RAB38: variants seen among roughly 807,000 people sequenced by gnomAD.
RAB38 encodes ras-related protein Rab-38.
In RAB38, 15 loss-of-function variants were observed where a neutral mutation model predicts 18.4. The observed-to-expected ratio is 0.82, with a 90% CI of 0.55 to 1.26. The LOEUF (loss-of-function observed/expected upper bound fraction) is 1.26, where lower values mean the gene tolerates loss of function less well. RAB38 is among the 50% of genes most tolerant of loss of function. The pLI, the probability that RAB38 is intolerant of heterozygous loss-of-function variation, is 0.00. For missense variants in RAB38, 294 were observed against 267.4 expected, an observed-to-expected ratio of 1.10 and a Z score of -0.69; for synonymous variants, 101 against 104.4, an observed-to-expected ratio of 0.97 and a Z score of 0.20.
At chr11:87,835,584 T>A in the RAB38 span, among the ~76,000 whole-genome samples, 1 of 152,148 alleles carries the variant, frequency 6.6e-6, no homozygotes, top group African/African-American at 2.4e-5. Context: ...GTTAAAGTTG[T>A]TAGGGTTGGT....
the RAB38 span, among the ~76,000 whole-genome samples, chr11:87,952,227 C>T: frequency 0.063 from 9,649 of 152,220 alleles, 1,033 homozygotes; most frequent in African/African-American, 0.22. Context: ...TACCTTTCCA[C>T]AGGCCTCTTT....
chr11:87,848,231 G>C, the RAB38 span, among the ~76,000 whole-genome samples: 1 of 152,144 alleles, frequency 6.6e-6, no homozygotes, highest in Non-Finnish European at 1.5e-5. Flanking sequence ...ACAGGTAGAG[G>C]ATGTTCCAAA....
chr11:88,130,260 C>T (rs149469038), intron 2 of RAB38, among the ~76,000 whole-genome samples: 1 of 152,026 alleles, frequency 6.6e-6, no homozygotes, highest in African/African-American at 2.4e-5. Context: ...ACAGGAACAT[C>T]TCAGGTAAAA....
chr11:88,149,300 C>T (rs903252394), intron 2 of RAB38, among the ~76,000 whole-genome samples: 40 of 152,180 alleles, frequency 2.6e-4, no homozygotes, highest in Non-Finnish European at 1.0e-4. Flanking sequence ...TGTAAATTAA[C>T]TAACACATGA....
At chr11:87,833,508 TC>T in the RAB38 span, among the ~76,000 whole-genome samples, 5 of 152,164 alleles carry the variant, frequency 3.3e-5, no homozygotes, top group South Asian at 8.3e-4. Context: ...TAACAGAGTC[TC>T]CCCCTTCATA....
chr11:88,088,144 A>C, the RAB38 span, among the ~76,000 whole-genome samples: 2 of 151,966 alleles, frequency 1.3e-5, no homozygotes, highest in African/African-American at 4.8e-5. Flanking sequence ...TTGTGCTAGC[A>C]TCATCTTTAT....
the RAB38 span, among the ~76,000 whole-genome samples, chr11:87,836,841 T>C: frequency 3.3e-5 from 5 of 152,286 alleles, no homozygotes; most frequent in East Asian, 9.7e-4. Flanking sequence ...GTACTCATTG[T>C]CTCCAGGATT....
the RAB38 span, among the ~76,000 whole-genome samples, chr11:88,041,342 T>C: frequency 3.9e-5 from 6 of 152,214 alleles, no homozygotes; most frequent in African/African-American, 1.4e-4. Flanking sequence ...TCCATTCCTT[T>C]CCACGTGCTC....
chr11:88,115,429 A>G (rs1267642323), intron 2 of RAB38: 2 of 152,202 alleles, frequency 1.3e-5, no homozygotes, highest in Non-Finnish European at 2.9e-5. Context: ...TTGGCTTCCA[A>G]ATGGCATCCA....
At chr11:87,962,508 CA>C in the RAB38 span, among the ~76,000 whole-genome samples, 26,316 of 151,374 alleles carry the variant, frequency 0.17, 2,572 homozygotes, top group Middle Eastern at 0.39. Context: ...GGGCAGGGGG[CA>C]GGGGGGAAGA....
chr11:87,814,459 T>G, the RAB38 span, among the ~76,000 whole-genome samples: 2 of 152,214 alleles, frequency 1.3e-5, no homozygotes, highest in Admixed American at 6.5e-5. Context: ...TATGTACAAT[T>G]AAGCAATTAC....
At chr11:88,032,093 G>A in the RAB38 span, among the ~76,000 whole-genome samples, 1 of 151,424 alleles carries the variant, frequency 6.6e-6, no homozygotes, top group Non-Finnish European at 1.5e-5. Context: ...ACAACTATCT[G>A]ATCTTTGACA....
chr11:87,895,398 G>A, the RAB38 span, among the ~76,000 whole-genome samples: 1 of 151,658 alleles, frequency 6.6e-6, no homozygotes, highest in East Asian at 2.0e-4. Flanking sequence ...GGGCGATTTG[G>A]CTCACTAACA....
At chr11:88,027,357 G>C in the RAB38 span, among the ~76,000 whole-genome samples, 1 of 152,164 alleles carries the variant, frequency 6.6e-6, no homozygotes, top group Admixed American at 6.5e-5. Context: ...ACTAAGGAGT[G>C]CCAGACAGTG....
the RAB38 span, among the ~76,000 whole-genome samples, chr11:87,909,453 C>G: frequency 6.6e-6 from 1 of 151,960 alleles, no homozygotes; most frequent in African/African-American, 2.4e-5. Context: ...CTCTCTCTCT[C>G]TGTCTCTCTT....
At chr11:88,102,062 G>T in the RAB38 span, among the ~76,000 whole-genome samples, 1 of 151,948 alleles carries the variant, frequency 6.6e-6, no homozygotes, top group Admixed American at 6.6e-5. Context: ...GGCACAGAGT[G>T]AGGGCTACAT....
chr11:88,039,458 C>A, the RAB38 span, among the ~76,000 whole-genome samples: 2 of 151,898 alleles, frequency 1.3e-5, no homozygotes, highest in African/African-American at 2.4e-5. Context: ...CAGCTAGGCA[C>A]CTAATACCCT....
the RAB38 span, among the ~76,000 whole-genome samples, chr11:87,968,422 T>C: frequency 2.3e-4 from 35 of 152,270 alleles, no homozygotes; most frequent in African/African-American, 7.9e-4. Flanking sequence ...GTGACTAAAT[T>C]GTGGTCAAAG....
At chr11:87,909,566 T>C in the RAB38 span, among the ~76,000 whole-genome samples, 1 of 152,040 alleles carries the variant, frequency 6.6e-6, no homozygotes. Flanking sequence ...ATCCATAAAA[T>C]CAGAATCAAA....
Sources: gnomAD v4.1 joint callset for allele counts (sites outside exome capture counted in the v4.1 genomes callset) on GRCh38, gnomAD v4.1.1 for gene constraint, MANE v1.5 for transcripts, NCBI Gene and HGNC (gene_info 2026-07-23, HGNC 2026-07-21) for gene names.